Variants in MED13 observed in about 807,000 individuals in gnomAD.
The protein encoded by MED13 is mediator of RNA polymerase II transcription subunit 13.
Under a neutral mutation model 225.2 loss-of-function variants are expected in MED13, and 23 were observed. That is an observed-to-expected ratio of 0.10 (90% CI 0.07 to 0.14). The LOEUF (loss-of-function observed/expected upper bound fraction) is 0.14, where lower values mean the gene tolerates loss of function less well. Ranked by LOEUF, MED13 falls within the 10% of genes least tolerant of loss-of-function variation. The pLI, the probability that MED13 is intolerant of heterozygous loss-of-function variation, is 1.00. For synonymous variants in MED13, 942 were observed against 889.2 expected (o/e 1.06, Z -1.06); for missense variants, 2,197 against 2,594.5 (o/e 0.85, Z 3.33).
rs371156502 is a variant in MED13 at position 62,012,192 on chromosome 17, G to A, written c.1284-959C>T. On this transcript the variant is annotated intron_variant, in intron 8 of 29. Transcript: ENST00000397786. ...GATCACGCCACTGCACTCCAGCCTG[G>A]GTGACAGAGCAAGACTCCATCTCAA... Among the ~76,000 whole-genome samples the A allele has an allele frequency of 4.6e-5, 7 of 151,372 alleles. No homozygotes were observed. In the East Asian group the frequency reaches 7.8e-4, roughly 17 times the overall value.
chr17:61,989,578 T>C (rs1040943382), intron 11 of MED13, among the ~76,000 whole-genome samples: 3 of 152,218 alleles, frequency 2.0e-5, no homozygotes, highest in Non-Finnish European at 2.9e-5. Context: ...CCTCAGGTGA[T>C]CTGCCCACCT....
rs908750284 is a variant in MED13, at chr17:62,010,735, T to C, written c.1782A>G (p.Val594=). 1 of 1,613,672 alleles carries C rather than the reference T, an allele frequency of 6.2e-7. No homozygotes were observed. The highest frequency in any genetic ancestry group is 2.2e-5 in the East Asian group (1 of 44,886). Residue 594 remains valine, a synonymous_variant, in exon 9 of 30, where the codon GTA becomes GTG. Transcript: ENST00000397786. The part of the protein sequence containing the change: ...QSFPPQYQEA[V]EPTVYVGTAV... ...CTGTACCAACATATACTGTAGGTTC[T>C]ACAGCTTCCTGATATTGAGGTGGGA...
At chr17:61,965,820 T>A (rs1206670411) in intron 19 of MED13, among the ~76,000 whole-genome samples, 1 of 152,164 alleles carries the variant, frequency 6.6e-6, no homozygotes, top group African/African-American at 2.4e-5. Context: ...ATCAAATAAA[T>A]ATTGACTACA....
At chr17:61,966,859 T>C (rs2080063601) in intron 18 of MED13, among the ~76,000 whole-genome samples, 1 of 152,174 alleles carries the variant, frequency 6.6e-6, no homozygotes, top group Non-Finnish European at 1.5e-5. Context: ...TTTTCATTTT[T>C]ACATTAGAAA....
intron 17 of MED13, among the ~76,000 whole-genome samples, chr17:61,968,927 GT>G (rs1234205213): frequency 6.6e-6 from 1 of 151,990 alleles, no homozygotes; most frequent in Non-Finnish European, 1.5e-5. Flanking sequence ...AATTTTTAAA[GT>G]TTTTGTAGAG....
At chr17:62,050,821 T>C (rs920202831) in intron 3 of MED13, among the ~76,000 whole-genome samples, 4 of 152,050 alleles carry the variant, frequency 2.6e-5, no homozygotes, top group African/African-American at 4.8e-5. Flanking sequence ...CTGGGCAACA[T>C]GGCAAAACCC....
intron 9 of MED13, among the ~76,000 whole-genome samples, chr17:62,008,202 C>T (rs2080471850): frequency 6.7e-6 from 1 of 150,054 alleles, no homozygotes; most frequent in Non-Finnish European, 1.5e-5. Flanking sequence ...GCCTGTAGTC[C>T]CAGCTACTCA....
chr17:61,974,556 A>G (rs546020995), intron 16 of MED13, among the ~76,000 whole-genome samples: 1 of 152,166 alleles, frequency 6.6e-6, no homozygotes, highest in Admixed American at 6.5e-5. Flanking sequence ...CCCATAACCT[A>G]AAAGTTAAAA....
intron 3 of MED13, among the ~76,000 whole-genome samples, chr17:62,044,050 C>T (rs1028425074): frequency 3.3e-5 from 5 of 152,040 alleles, no homozygotes; most frequent in Non-Finnish European, 7.4e-5. Context: ...AGAAACCTAA[C>T]CAAAGGACAT....
At chr17:62,012,574 C>T (rs1425280738) in intron 8 of MED13, among the ~76,000 whole-genome samples, 2 of 151,970 alleles carry the variant, frequency 1.3e-5, no homozygotes, top group African/African-American at 4.8e-5. Context: ...AGGAGATCTG[C>T]CCACCTCGGC....
chr17:62,014,376 G>T (rs904507714), intron 8 of MED13, among the ~76,000 whole-genome samples: 1 of 150,300 alleles, frequency 6.7e-6, no homozygotes, highest in African/African-American at 2.5e-5. Context: ...GAGTGCAGTG[G>T]CACGATCTCA....
chr17:61,958,621 G>T (rs1298955007), intron 23 of MED13, among the ~76,000 whole-genome samples: 1 of 152,146 alleles, frequency 6.6e-6, no homozygotes, highest in Admixed American at 6.5e-5. Context: ...ACAGGCGTGA[G>T]CCACCATGCG....
At chr17:62,045,383 G>A (rs1158039820) in intron 3 of MED13, among the ~76,000 whole-genome samples, 4 of 152,136 alleles carry the variant, frequency 2.6e-5, no homozygotes, top group African/African-American at 7.2e-5. Flanking sequence ...TTGGCCAGGC[G>A]TGGTTGGTGT....
At chr17:62,060,935 C>A (rs758724497) in intron 2 of MED13, among the ~76,000 whole-genome samples, 1 of 151,966 alleles carries the variant, frequency 6.6e-6, no homozygotes. Context: ...CCTGACCCTG[C>A]GATCTGCCTG....
chr17:61,963,015 T>C (rs2080016751), intron 20 of MED13, 44 bp from the exon 21 acceptor site: 1 of 1,560,728 alleles, frequency 6.4e-7, no homozygotes, highest in Non-Finnish European at 8.8e-7. Flanking sequence ...GTACTGTATA[T>C]GCTTGGGGTA....
chr17:62,037,650 G>C (rs1165024068), intron 3 of MED13, among the ~76,000 whole-genome samples: 1 of 136,106 alleles, frequency 7.3e-6, no homozygotes, highest in Non-Finnish European at 1.5e-5. Context: ...CTGGGTGACA[G>C]AGCAAGACTC....
chr17:61,977,115 G>C (rs1366337906), intron 16 of MED13, among the ~76,000 whole-genome samples: 2 of 151,998 alleles, frequency 1.3e-5, no homozygotes, highest in Admixed American at 1.3e-4. Context: ...TTAGATTATA[G>C]ACAAAAATCT....
Position 61,944,143 on chromosome 17 carries a change from TAAA to T in MED13, c.*2322_*2324del, listed in dbSNP as rs1603388659. On this transcript the variant is annotated 3_prime_UTR_variant, in exon 30 of 30. Coordinates refer to ENST00000397786, the MANE Select transcript of MED13 (RefSeq NM_005121.3). Reference sequence around the variant, plus strand: ...TGGGAACTATTCCCTGATTCCCAAATAAAAAATAATTGTGTACTGGGTTCCCTC... The same window carrying T: ...TGGGAACTATTCCCTGATTCCCAAATAAATAATTGTGTACTGGGTTCCCTC... 6.6e-6 allele frequency: 1 copy of T among 152,556 alleles called. No individual in the cohort carries two copies. The highest frequency in any genetic ancestry group is 2.4e-5 in the African/African-American group (1 of 41,436). The allele number at this position is 152,556 out of a possible 1,614,324, so 9.5% of individuals were successfully genotyped here.
chr17:61,952,972 G>T lies in MED13; in HGVS notation c.6110C>A (p.Ala2037Glu), dbSNP rs114013865. The T allele has an allele frequency of 2.5e-6, 4 of 1,612,286 alleles. No homozygotes were observed. The highest frequency in any genetic ancestry group is 3.4e-6 in the Non-Finnish European group (4 of 1,179,348). Residue 2037 changes from alanine (A) to glutamate (E), a missense_variant, in exon 27 of 30, where the codon GCG (alanine) becomes GAG (glutamate). Physicochemically the swap from Ala to Glu is moderately radical, Grantham distance 107 (BLOSUM62 -1). Coordinates refer to ENST00000397786, the MANE Select transcript of MED13 (RefSeq NM_005121.3). ...PGSHYPHGGD[A>E]GKGQSTDRLL... ...AACTTGTAACACAGTTACCTTGCCC[G>T]CATCACCTCCATGGGGGTAATGAGA...
Sources: gnomAD v4.1 joint callset for allele counts (sites outside exome capture counted in the v4.1 genomes callset) on GRCh38, gnomAD v4.1.1 for gene constraint, MANE v1.5 for transcripts, NCBI Gene and HGNC (gene_info 2026-07-23, HGNC 2026-07-21) for gene names.